Variants in FANCL observed in about 807,000 individuals in gnomAD.
FANCL encodes the protein E3 ubiquitin-protein ligase FANCL.
A neutral mutation model predicts 59.4 loss-of-function variants in FANCL; 69 were observed. That is an observed-to-expected ratio of 1.16 (90% CI 0.96 to 1.42). The LOEUF is 1.42. Ranked by LOEUF, FANCL falls within the 40% of genes most tolerant of loss-of-function variation. The pLI, the probability that FANCL is intolerant of heterozygous loss-of-function variation, is 0.00. For missense variants in FANCL, 519 were observed against 447.2 expected (o/e 1.16, Z -1.45); for synonymous variants, 180 against 147.1 (o/e 1.22, Z -1.62).
At chr2:58,179,542 C>T (rs1687711780) in intron 7 of FANCL, among the ~76,000 whole-genome samples, 1 of 152,128 alleles carries the variant, frequency 6.6e-6, no homozygotes, top group Non-Finnish European at 1.5e-5. Context: ...ATGCAGAAAA[C>T]TCAAACGGGA....
chr2:58,239,117 C>T (rs1694281181), intron 1 of FANCL, among the ~76,000 whole-genome samples: 2 of 151,958 alleles, frequency 1.3e-5, no homozygotes, highest in South Asian at 2.1e-4. Context: ...ATTTGGCAAC[C>T]GTGATAGTAA....
At chr2:58,194,341 A>T (rs994504783) in intron 7 of FANCL, 6 of 469,710 alleles carry the variant, frequency 1.3e-5, no homozygotes, top group African/African-American at 1.2e-4. Flanking sequence ...ACATTTAGGC[A>T]TTCTACAGTC....
chr2:58,189,535 A>G (rs775554655), intron 7 of FANCL, among the ~76,000 whole-genome samples: 4 of 152,152 alleles, frequency 2.6e-5, no homozygotes, highest in Non-Finnish European at 4.4e-5. Flanking sequence ...AGAGGGAAAG[A>G]TATATGTGAG....
intron 5 of FANCL, among the ~76,000 whole-genome samples, chr2:58,221,501 T>G (rs1260011043): frequency 6.6e-6 from 1 of 152,176 alleles, no homozygotes; most frequent in East Asian, 1.9e-4. Context: ...TGCTAAAATT[T>G]ACCACTCAAA....
At chr2:58,169,436 C>A (rs552644863) in intron 7 of FANCL, among the ~76,000 whole-genome samples, 9 of 152,090 alleles carry the variant, frequency 5.9e-5, no homozygotes, top group African/African-American at 2.2e-4. Flanking sequence ...GATAAATCCA[C>A]GACGATGAGG....
chr2:58,217,413 C>A (rs1691950426), intron 5 of FANCL, among the ~76,000 whole-genome samples: 1 of 149,400 alleles, frequency 6.7e-6, no homozygotes, highest in African/African-American at 2.5e-5. Flanking sequence ...TGGTGGCTGC[C>A]AGCAAGAAAA....
intron 5 of FANCL, among the ~76,000 whole-genome samples, chr2:58,214,063 T>C (rs1359265685): frequency 2.0e-5 from 3 of 152,156 alleles, no homozygotes; most frequent in African/African-American, 7.2e-5. Flanking sequence ...AATAAAAATA[T>C]TTATCCTAAA....
Position 58,219,935 on chromosome 2 carries a change from A to G in FANCL, c.374+2007T>C, listed in dbSNP as rs534991403. On this transcript the variant is annotated intron_variant, in intron 5 of 13. Coordinates refer to ENST00000233741, the MANE Select transcript of FANCL (RefSeq NM_018062.4). ...CATCCAAACATAAAATCCCTACTGC[A>G]TATCTTAGGACTATTTCATACAACA... Among the ~76,000 whole-genome samples, 7 of 152,296 alleles carry G rather than the reference A, an allele frequency of 4.6e-5. No individual in the cohort carries two copies. In the South Asian group the frequency reaches 1.0e-3, roughly 23 times the overall value.
intron 9 of FANCL, 89 bp downstream of exon 9, chr2:58,163,345 T>A: frequency 1.1e-6 from 1 of 925,248 alleles, no homozygotes; most frequent in Non-Finnish European, 1.7e-6. Context: ...AAACTACCAT[T>A]AATATACTAA....
At chr2:58,230,229 C>T (rs6740373) in intron 2 of FANCL, among the ~76,000 whole-genome samples, 9,353 of 152,238 alleles carry the variant, frequency 0.061, 951 homozygotes, top group African/African-American at 0.21. Context: ...ATGTATCAAA[C>T]ATGTATTTGA....
intron 12 of FANCL, 136 bp downstream of exon 12, chr2:58,161,386 A>C: frequency 7.1e-6 from 5 of 707,610 alleles, no homozygotes; most frequent in Non-Finnish European, 1.3e-5. Flanking sequence ...TCTGGAATAA[A>C]CTGGTAAAAG....
chr2:58,161,133 TAC>T (rs1313270046), intron 12 of FANCL, among the ~76,000 whole-genome samples: 1 of 151,978 alleles, frequency 6.6e-6, no homozygotes, highest in Non-Finnish European at 1.5e-5. Context: ...TACTACATAG[TAC>T]TAATTTCATT....
At chr2:58,174,017 A>G (rs989861985) in intron 7 of FANCL, among the ~76,000 whole-genome samples, 3 of 152,124 alleles carry the variant, frequency 2.0e-5, no homozygotes, top group Admixed American at 6.5e-5. Context: ...CTTTAAACCA[A>G]CAAAGATCAA....
chr2:58,176,448 C>T (rs978001410), intron 7 of FANCL, among the ~76,000 whole-genome samples: 4 of 151,988 alleles, frequency 2.6e-5, no homozygotes, highest in African/African-American at 9.7e-5. Flanking sequence ...ATCAATGGAA[C>T]AGAACAGAGC....
At chr2:58,201,911 A>G (rs1690064462) in intron 6 of FANCL, among the ~76,000 whole-genome samples, 1 of 151,848 alleles carries the variant, frequency 6.6e-6, no homozygotes, top group South Asian at 2.1e-4. Flanking sequence ...AAATCAAGTA[A>G]CAGAAATAAA....
At chr2:58,172,833 T>G (rs1007528347) in intron 7 of FANCL, among the ~76,000 whole-genome samples, 1 of 152,082 alleles carries the variant, frequency 6.6e-6, no homozygotes, top group African/African-American at 2.4e-5. Context: ...ACCATCAAAC[T>G]ACTATGAGCT....
intron 7 of FANCL, among the ~76,000 whole-genome samples, chr2:58,174,927 T>G (rs1241115696): frequency 6.6e-6 from 1 of 151,890 alleles, no homozygotes; most frequent in African/African-American, 2.4e-5. Context: ...ATCAAATAGA[T>G]GCAGTAAAAA....
chr2:58,178,924 C>A (rs1021534661), intron 7 of FANCL, among the ~76,000 whole-genome samples: 1 of 152,106 alleles, frequency 6.6e-6, no homozygotes, highest in Non-Finnish European at 1.5e-5. Context: ...CACAAGCATT[C>A]TTATACACCA....
chr2:58,165,821 C>G lies in FANCL; in HGVS notation c.594G>C (p.Lys198Asn), dbSNP rs755792621. The change falls in exon 8 of 14, where the codon AAG becomes AAC. Residue 198 changes from lysine to asparagine, a missense_variant. Lys to Asn is a moderately conservative substitution (Grantham distance 94). Transcript: ENST00000233741. ...TTTCATCCATAACATCCCAGAATGC[C>G]TTTAGTGATTCTATTGCTGCCAAAA... Reference protein sequence around the residue: ...SQFLAAIESLKAFWDVMDEID... With the variant: ...SQFLAAIESLNAFWDVMDEID... 23 of 1,614,028 alleles carry G rather than the reference C, an allele frequency of 1.4e-5. No homozygotes were observed. The highest frequency in any genetic ancestry group is 1.7e-5 in the Non-Finnish European group (20 of 1,179,966).
Sources: allele counts gnomAD v4.1 joint callset (sites outside exome capture counted in the v4.1 genomes callset), GRCh38; gene constraint gnomAD v4.1.1; transcripts MANE v1.5; gene names NCBI Gene and HGNC (gene_info 2026-07-23, HGNC 2026-07-21).